Variants in ADAMTS9 observed in about 807,000 individuals in gnomAD.
ADAMTS9 encodes ADAM metallopeptidase with thrombospondin type 1 motif 9, also known as A disintegrin and metalloproteinase with thrombospondin motifs 9.
In ADAMTS9, 107 loss-of-function variants were observed where a neutral mutation model predicts 257.1. The observed-to-expected ratio is 0.42, with a 90% CI of 0.36 to 0.49. The LOEUF (loss-of-function observed/expected upper bound fraction) is 0.49, where lower values mean the gene tolerates loss of function less well. Ranked by LOEUF, ADAMTS9 falls within the 20% of genes least tolerant of loss-of-function variation. The pLI is 0.03. For missense variants in ADAMTS9, 2,353 were observed against 2,469.1 expected (o/e 0.95, Z 1.00); for synonymous variants, 982 against 880.9 (o/e 1.11, Z -2.03).
At chr3:64,641,038 C>T (rs1264555004) in intron 12 of ADAMTS9, among the ~76,000 whole-genome samples, 1 of 151,854 alleles carries the variant, frequency 6.6e-6, no homozygotes, top group African/African-American at 2.4e-5. Context: ...TGTAATACAA[C>T]TAGATTGATT....
intron 28 of ADAMTS9, among the ~76,000 whole-genome samples, chr3:64,576,477 G>A (rs2106720922): frequency 6.6e-6 from 1 of 152,324 alleles, no homozygotes; most frequent in African/African-American, 2.4e-5. Flanking sequence ...GCTCTGAACA[G>A]TGGCAGCGAC....
intron 2 of ADAMTS9, among the ~76,000 whole-genome samples, chr3:64,684,337 C>T (rs199831617): frequency 0.015 from 1,317 of 89,756 alleles, 25 homozygotes; most frequent in African/African-American, 0.042. Flanking sequence ...TCAGGAGAGG[C>T]GGGCGACCCA....
rs1576120137 is a variant in ADAMTS9, at chr3:64,615,559, T to C, written c.3025-74A>G. 9.0e-6 allele frequency: 13 copies of C among 1,448,066 alleles called. No individual in the cohort carries two copies. The South Asian group carries it at 1.4e-4, about 16-fold the overall frequency. 89.7% of individuals were successfully genotyped at this position (1,448,066 alleles called of 1,614,324 possible). A position where few individuals can be genotyped will look rare whatever the true frequency, so the allele number is the denominator to read the frequency against. On this transcript the variant is annotated intron_variant, in intron 20 of 39. Coordinates refer to ENST00000498707, the MANE Select transcript of ADAMTS9 (RefSeq NM_182920.2). ...AGTATGCTGAAGATCCTGGCTATGTTGTCTCTTCCAGCTCTTAAGAAACAA... is the reference window on the plus strand; with the variant it reads ...AGTATGCTGAAGATCCTGGCTATGTCGTCTCTTCCAGCTCTTAAGAAACAA...
chr3:64,649,823 G>A (rs1700889205), intron 9 of ADAMTS9, 45 bp from the exon 10 acceptor site: 1 of 1,578,454 alleles, frequency 6.3e-7, no homozygotes, highest in Non-Finnish European at 8.6e-7. Context: ...AACGGTGGCT[G>A]TCAAGGTCTC....
intron 27 of ADAMTS9, among the ~76,000 whole-genome samples, chr3:64,596,044 A>G (rs1038698930): frequency 6.6e-6 from 1 of 152,234 alleles, no homozygotes; most frequent in Non-Finnish European, 1.5e-5. Context: ...ATTAATTATT[A>G]CTACATTATA....
At chr3:64,600,525 C>A (rs951970736) in intron 26 of ADAMTS9, among the ~76,000 whole-genome samples, 1 of 152,238 alleles carries the variant, frequency 6.6e-6, no homozygotes, top group Non-Finnish European at 1.5e-5. Context: ...TAAATAAGCA[C>A]AGCACTAAAA....
chr3:64,555,652 A>T (rs1050816775), intron 30 of ADAMTS9, among the ~76,000 whole-genome samples: 3 of 152,194 alleles, frequency 2.0e-5, no homozygotes, highest in Admixed American at 1.3e-4. Context: ...AGAAGAGGAA[A>T]CACAACGGGG....
At chr3:64,554,537 C>T (rs898196352) in intron 30 of ADAMTS9, among the ~76,000 whole-genome samples, 8 of 152,096 alleles carry the variant, frequency 5.3e-5, no homozygotes, top group African/African-American at 1.9e-4. Context: ...TGACTCTTTC[C>T]CCTGTCCTGG....
rs568394325 is a variant in ADAMTS9, at chr3:64,687,574, G to A, written c.84C>T (p.Ala28=). 7.7e-6 allele frequency: 12 copies of A among 1,568,498 alleles called. No individual in the cohort carries two copies. The highest frequency in any genetic ancestry group is 8.6e-6 in the Non-Finnish European group (10 of 1,158,010). The stretch of plus-strand genomic sequence containing the variant: ...TCGGGTGCAGCCTGTCCTTGCGCAC[G>A]GCCGCCGCGGCGTCTGGGCTCCCCA... The part of the protein sequence containing the change: ...AEMGSPDAAA[A]VRKDRLHPRQ... Residue 28 remains alanine, a synonymous_variant, in exon 1 of 40, where the codon GCC becomes GCT. Coordinates refer to ENST00000498707, the MANE Select transcript of ADAMTS9 (RefSeq NM_182920.2). The surrounding 1 kb of genome is among the most constrained non-coding windows in gnomAD (Gnocchi z 4.4).
In ADAMTS9 at chr3:64,541,959, A is replaced by G; in HGVS notation, c.5076T>C (p.Ser1692=). The G allele has an allele frequency of 1.2e-6, 2 of 1,614,126 alleles. No homozygotes were observed. The highest frequency in any genetic ancestry group is 3.3e-5 in the Admixed American group (2 of 60,022). ...RVGNWGSCSV[S]CGVGVMQRSV... ...ATCTCTGCATCACTCCAACACCACA[A>G]GACACTGAGCACTGTAAGACAAATG... Residue 1692 remains serine (S), a synonymous_variant, in exon 33 of 40, where the codon TCT becomes TCC. Coordinates refer to ENST00000498707, the MANE Select transcript of ADAMTS9 (RefSeq NM_182920.2).
At chr3:64,532,810 G>C (rs892093886) in intron 38 of ADAMTS9, among the ~76,000 whole-genome samples, 1 of 151,972 alleles carries the variant, frequency 6.6e-6, no homozygotes, top group African/African-American at 2.4e-5. Context: ...ATTTCCCCTC[G>C]GTTCATAGAA....
chr3:64,592,353 C>G (rs2084278800), intron 28 of ADAMTS9: 1 of 152,196 alleles, frequency 6.6e-6, no homozygotes, highest in Admixed American at 6.5e-5. Context: ...TTCTCTCTCT[C>G]TCTTTCTTCC....
chr3:64,601,979 C>G lies in ADAMTS9; in HGVS notation c.3982G>C (p.Gly1328Arg), dbSNP rs752972692. 1.9e-6 allele frequency: 3 copies of G among 1,612,602 alleles called. No homozygotes were observed. The highest frequency in any genetic ancestry group is 1.6e-4 in the Middle Eastern group (1 of 6,076). ...GGGCCAGTTCTCCACTGGTTTCCAC[C>G]GAGCACATGGGTGCGGCTGGGGCTG... ...SASPSRTHVLGGNQWRTGPWG... is the reference protein window; with the variant it reads ...SASPSRTHVLRGNQWRTGPWG... Residue 1328 changes from glycine to arginine, a missense_variant, in exon 26 of 40, where the codon GGT becomes CGT. By Grantham distance (125) the Gly-to-Arg change is moderately radical. Coordinates refer to ENST00000498707, the MANE Select transcript of ADAMTS9 (RefSeq NM_182920.2).
At chr3:64,587,932 G>C (rs2084190075) in intron 28 of ADAMTS9, 1 of 152,102 alleles carries the variant, frequency 6.6e-6, no homozygotes, top group Admixed American at 6.6e-5. Flanking sequence ...ACCTTGTGTG[G>C]AGGCCAAGGA....
chr3:64,609,374 A>G (rs543222854), intron 22 of ADAMTS9, among the ~76,000 whole-genome samples: 1 of 152,290 alleles, frequency 6.6e-6, no homozygotes. Context: ...CATACTATAC[A>G]TTGGAATCCC....
At chr3:64,677,375 C>T (rs76710860) in intron 3 of ADAMTS9, among the ~76,000 whole-genome samples, 4,006 of 152,226 alleles carry the variant, frequency 0.026, 178 homozygotes, top group African/African-American at 0.09. Context: ...CAGAGACAAT[C>T]AGGAAGGGCA....
chr3:64,653,460 A>C (rs761452288), intron 8 of ADAMTS9, among the ~76,000 whole-genome samples: 1 of 152,180 alleles, frequency 6.6e-6, no homozygotes, highest in Non-Finnish European at 1.5e-5. Context: ...TACCTGTTAT[A>C]TATTGAGCTA....
At position 64,541,181 on chromosome 3, in the gene ADAMTS9, T is replaced by A. The variant is rs1447073072; in HGVS notation, c.5435A>T (p.Asp1812Val). The A allele has an allele frequency of 1.2e-6, 2 of 1,614,194 alleles. No homozygotes were observed. Among genetic ancestry groups the A allele is most frequent in the South Asian group, 1.1e-5 (1 of 91,084 alleles). ...CGTGTAATCCTTCCGACATTGGCAG[T>A]CATCGCGCCGGCTCCCGTTATAGGG... Reference protein sequence around the residue: ...ECPYNGSRRDDCQCRKDYTAA... With the variant: ...ECPYNGSRRDVCQCRKDYTAA... The change falls in exon 36 of 40, where the codon GAC (aspartate) becomes GTC (valine). Residue 1812 changes from aspartate (D) to valine (V), a missense_variant. By Grantham distance (152) the Asp-to-Val change is radical. Transcript: ENST00000498707.
At chr3:64,603,616 A>G (rs933659862) in intron 25 of ADAMTS9, among the ~76,000 whole-genome samples, 2 of 152,120 alleles carry the variant, frequency 1.3e-5, no homozygotes, top group Admixed American at 6.5e-5. Context: ...CTACAAACCT[A>G]CTGCATACTA....
Sources: gnomAD v4.1 joint callset for allele counts (sites outside exome capture counted in the v4.1 genomes callset) on GRCh38, gnomAD v4.1.1 for gene constraint, Gnocchi (gnomAD v3.1) non-coding constraint, MANE v1.5 for transcripts, NCBI Gene and HGNC (gene_info 2026-07-23, HGNC 2026-07-21) for gene names.